Variants in SLMAP observed in about 807,000 individuals in gnomAD.
SLMAP encodes the protein sarcolemmal membrane-associated protein.
A neutral mutation model predicts 128.8 loss-of-function variants in SLMAP; 44 were observed. The observed-to-expected ratio is 0.34, with a 90% CI of 0.27 to 0.44. The LOEUF (loss-of-function observed/expected upper bound fraction) is 0.44, where lower values mean the gene tolerates loss of function less well. Ranked by LOEUF, SLMAP falls within the 20% of genes least tolerant of loss-of-function variation. SLMAP has a pLI of 1.00. For synonymous variants in SLMAP, 327 were observed against 348.8 expected (o/e 0.94, Z 0.70); for missense variants, 787 against 985.3 (o/e 0.80, Z 2.69).
intron 15 of SLMAP, chr3:57,890,888 G>A (rs1200631573): frequency 1.3e-5 from 2 of 152,184 alleles, no homozygotes; most frequent in African/African-American, 4.8e-5. Context: ...TTTTATTAAA[G>A]TAACTGGATT....
In SLMAP at chr3:57,757,390, G is replaced by A. The variant is rs546446572; in HGVS notation, c.-262G>A. On this transcript the variant is annotated 5_prime_UTR_variant, in exon 2 of 25. Coordinates refer to ENST00000671191, the MANE Select transcript of SLMAP (RefSeq NM_001377540.1). Reference sequence around the variant, plus strand: ...GTTTGAGCCTTTTCTTCCCAGAGAAGAAGATGGACTGAAAGCTGCCAGTTG... The same window carrying A: ...GTTTGAGCCTTTTCTTCCCAGAGAAAAAGATGGACTGAAAGCTGCCAGTTG... 3.7e-6 allele frequency: 2 copies of A among 536,292 alleles called. No individual in the cohort carries two copies. Among genetic ancestry groups the A allele is most frequent in the Non-Finnish European group, 6.7e-6 (2 of 297,778 alleles). The allele number at this position is 536,292 out of a possible 1,614,324, so 33.2% of individuals were successfully genotyped here.
chr3:57,866,704 G>C (rs1451647954), intron 13 of SLMAP, among the ~76,000 whole-genome samples: 1 of 152,132 alleles, frequency 6.6e-6, no homozygotes, highest in Non-Finnish European at 1.5e-5. Flanking sequence ...GCATCATGGT[G>C]AAACTTTATC....
intron 19 of SLMAP, among the ~76,000 whole-genome samples, chr3:57,911,812 G>T (rs12492169): frequency 1.3e-5 from 2 of 151,406 alleles, no homozygotes; most frequent in Non-Finnish European, 2.9e-5. Flanking sequence ...ATCAGAAAAG[G>T]CCTCTTTAAA....
intron 6 of SLMAP, among the ~76,000 whole-genome samples, chr3:57,855,718 A>C (rs1484410490): frequency 1.3e-5 from 2 of 148,816 alleles, no homozygotes; most frequent in East Asian, 1.9e-4. Flanking sequence ...TGTTAAAAAA[A>C]AAAAAAACAA....
intron 4 of SLMAP, among the ~76,000 whole-genome samples, chr3:57,846,637 A>C (rs1261510508): frequency 6.6e-6 from 1 of 150,928 alleles, no homozygotes; most frequent in African/African-American, 2.4e-5. Flanking sequence ...GCTCACTGCA[A>C]CCTCCACCTC....
chr3:57,810,565 A>C (rs1339960168), intron 2 of SLMAP, among the ~76,000 whole-genome samples: 1 of 152,186 alleles, frequency 6.6e-6, no homozygotes, highest in African/African-American at 2.4e-5. Flanking sequence ...ACTTCTTAAA[A>C]GATTTATCTA....
chr3:57,895,025 C>T (rs1225356497), intron 15 of SLMAP, among the ~76,000 whole-genome samples: 1 of 151,848 alleles, frequency 6.6e-6, no homozygotes. Context: ...GGTGTGGTGG[C>T]TCACACCTGT....
chr3:57,775,244 C>T (rs1420858134), intron 2 of SLMAP, among the ~76,000 whole-genome samples: 3 of 151,548 alleles, frequency 2.0e-5, no homozygotes, highest in African/African-American at 7.3e-5. Context: ...TTAGTAGAGA[C>T]GGGGTTTCAC....
chr3:57,856,368 A>G (rs1409333018), intron 6 of SLMAP, among the ~76,000 whole-genome samples: 2 of 152,198 alleles, frequency 1.3e-5, no homozygotes, highest in Admixed American at 6.5e-5. Context: ...ACGTAGTACA[A>G]CTGTTCAAAA....
In SLMAP at chr3:57,833,190, C is replaced by T. The variant is rs1182259345; in HGVS notation, c.346+1660C>T. On this transcript the variant is annotated intron_variant, in intron 3 of 24. Transcript: ENST00000671191. Reference sequence around the variant, plus strand: ...GGTAATGAAATACATTTAGAGAATACTTAGGTAAGATAAGCAGGACTTCTT... The same window carrying T: ...GGTAATGAAATACATTTAGAGAATATTTAGGTAAGATAAGCAGGACTTCTT... 3.3e-5 allele frequency among the ~76,000 whole-genome samples: 5 copies of T among 152,224 alleles called. No homozygotes were observed. In the East Asian group the frequency reaches 9.6e-4, roughly 29 times the overall value.
At chr3:57,769,902 G>A (rs2080481763) in intron 2 of SLMAP, among the ~76,000 whole-genome samples, 1 of 152,204 alleles carries the variant, frequency 6.6e-6, no homozygotes, top group Non-Finnish European at 1.5e-5. Flanking sequence ...TAGTGCCAGA[G>A]TATTAATGTG....
chr3:57,839,185 C>T (rs113351173), intron 3 of SLMAP, among the ~76,000 whole-genome samples: 2 of 152,028 alleles, frequency 1.3e-5, no homozygotes, highest in African/African-American at 4.8e-5. Flanking sequence ...GTGATCCCCC[C>T]ACCTCAGCCT....
intron 2 of SLMAP, among the ~76,000 whole-genome samples, chr3:57,767,235 A>T (rs2079925857): frequency 6.6e-6 from 1 of 152,186 alleles, no homozygotes; most frequent in East Asian, 1.9e-4. Flanking sequence ...TAATTTCATT[A>T]TGGGACATAA....
intron 2 of SLMAP, among the ~76,000 whole-genome samples, chr3:57,783,539 G>A (rs1412049529): frequency 1.3e-5 from 2 of 152,132 alleles, no homozygotes; most frequent in Admixed American, 6.6e-5. Context: ...ATTAAGATGC[G>A]AGAGGAGAAA....
At chr3:57,922,616 A>T (rs1443295188) in intron 22 of SLMAP, among the ~76,000 whole-genome samples, 1 of 151,858 alleles carries the variant, frequency 6.6e-6, no homozygotes, top group Non-Finnish European at 1.5e-5. Flanking sequence ...TTTAGTAGAG[A>T]TGGGGTTTCT....
intron 2 of SLMAP, among the ~76,000 whole-genome samples, chr3:57,789,660 G>A (rs979821305): frequency 6.6e-6 from 1 of 152,082 alleles, no homozygotes; most frequent in African/African-American, 2.4e-5. Context: ...AAGAATCTTT[G>A]TCAACATGAG....
chr3:57,855,466 C>G (rs1220196908), intron 6 of SLMAP, among the ~76,000 whole-genome samples: 2 of 152,058 alleles, frequency 1.3e-5, no homozygotes, highest in Non-Finnish European at 2.9e-5. Context: ...GGACTGGAAG[C>G]TGCTCTGGGT....
chr3:57,903,740 A>T (rs1347454014), intron 17 of SLMAP, among the ~76,000 whole-genome samples: 1 of 152,150 alleles, frequency 6.6e-6, no homozygotes, highest in Non-Finnish European at 1.5e-5. Flanking sequence ...TTAAGGAAAA[A>T]ACAGATTTAC....
At position 57,867,928 on chromosome 3, in the gene SLMAP, G is replaced by A. The variant is rs143745309; in HGVS notation, c.1237+2636G>A. On this transcript the variant is annotated intron_variant, in intron 13 of 24. Transcript: ENST00000671191. ...TGTGTGTCTTATCTAATAAGCATAA[G>A]CTGAATGTATCTTAGAGAGTAAAGG... Among the ~76,000 whole-genome samples the A allele has an allele frequency of 4.1e-3, 623 of 152,200 alleles. 5 individuals are homozygous for A. The highest frequency in any genetic ancestry group is 0.015 in the African/African-American group (603 of 41,514).
Sources: allele counts gnomAD v4.1 joint callset (sites outside exome capture counted in the v4.1 genomes callset), GRCh38; gene constraint gnomAD v4.1.1; transcripts MANE v1.5; gene names NCBI Gene and HGNC (gene_info 2026-07-23, HGNC 2026-07-21).